LRP1B: variants seen among roughly 807,000 people sequenced by gnomAD.
LRP1B encodes the protein low-density lipoprotein receptor-related protein 1B.
Under a neutral mutation model 556.6 loss-of-function variants are expected in LRP1B, and 217 were observed. That is an observed-to-expected ratio of 0.39 (90% CI 0.35 to 0.44). The LOEUF is 0.44. LRP1B is among the 20% of genes least tolerant of loss of function. The probability of loss-of-function intolerance (pLI) is 1.00; values close to 1 mark genes in which losing one functional copy is unlikely to be tolerated. For missense variants in LRP1B, 5,053 were observed against 5,620.8 expected, an observed-to-expected ratio of 0.90 and a Z score of 3.23; for synonymous variants, 2,047 against 1,865.8, an observed-to-expected ratio of 1.10 and a Z score of -2.50.
chr2:140,888,972 A>AAC (rs1392748621), intron 23 of LRP1B, among the ~76,000 whole-genome samples: 2 of 151,624 alleles, frequency 1.3e-5, no homozygotes, highest in African/African-American at 4.9e-5. Flanking sequence ...AAAAAAAAAA[A>AAC]AAAAAAAACT....
intron 3 of LRP1B, among the ~76,000 whole-genome samples, chr2:141,309,711 T>A (rs1292062910): frequency 6.6e-6 from 1 of 152,004 alleles, no homozygotes; most frequent in Non-Finnish European, 1.5e-5. Flanking sequence ...CAGGGCCAGT[T>A]CGGGGGTAGA....
chr2:140,270,257 T>G lies in LRP1B; in HGVS notation c.13232A>C (p.Asn4411Thr). 6.2e-7 allele frequency: 1 copy of G among 1,611,740 alleles called. No individual in the cohort carries two copies. Among genetic ancestry groups the G allele is most frequent in the African/African-American group, 1.3e-5 (1 of 74,896 alleles). The change falls in exon 86 of 91, where the codon AAT (asparagine) becomes ACT (threonine). Residue 4411 changes from asparagine (N) to threonine (T), a missense_variant. Physicochemically the swap from Asn to Thr is moderately conservative, Grantham distance 65. Coordinates refer to ENST00000389484, the MANE Select transcript of LRP1B (RefSeq NM_018557.3). Reference protein sequence around the residue: ...GGTCQLDPETNVPVCLCSTNW... With the variant: ...GGTCQLDPETTVPVCLCSTNW... ...AAATACTCACAGACACACAGGTACATTTGTCTCGGGGTCCAGCTGGCATGT... is the reference window on the plus strand; with the variant it reads ...AAATACTCACAGACACACAGGTACAGTTGTCTCGGGGTCCAGCTGGCATGT...
At chr2:140,503,201 C>G (rs1689271863) in intron 53 of LRP1B, 98 bp from the exon 54 acceptor site, 1 of 973,336 alleles carries the variant, frequency 1.0e-6, no homozygotes, top group Non-Finnish European at 1.5e-6. Context: ...ATGTGGATTA[C>G]TCATGTCTCC....
In LRP1B at chr2:141,870,931, A is replaced by C. The variant is rs77520219; in HGVS notation, c.83-60530T>G. On this transcript the variant is annotated intron_variant, in intron 1 of 90. Coordinates refer to ENST00000389484, the MANE Select transcript of LRP1B (RefSeq NM_018557.3). Reference sequence around the variant, plus strand: ...TCTCACTTTTGCCTTCAAGGTTGTGAGTGCACTAGTCCCCCCTGGACCTTA... The same window carrying C: ...TCTCACTTTTGCCTTCAAGGTTGTGCGTGCACTAGTCCCCCCTGGACCTTA... Among the ~76,000 whole-genome samples, 552 of 152,014 alleles carry C rather than the reference A, an allele frequency of 3.6e-3. 3 individuals carry two copies. The highest frequency in any genetic ancestry group is 0.013 in the African/African-American group (529 of 41,534).
intron 43 of LRP1B, among the ~76,000 whole-genome samples, chr2:140,582,173 T>C (rs1681793378): frequency 6.6e-6 from 1 of 152,200 alleles, no homozygotes; most frequent in Non-Finnish European, 1.5e-5. Context: ...TTGGGTAAAT[T>C]CTCTGTTATG....
At chr2:141,527,568 A>G (rs548410443) in intron 2 of LRP1B, among the ~76,000 whole-genome samples, 1 of 152,254 alleles carries the variant, frequency 6.6e-6, no homozygotes, top group Non-Finnish European at 1.5e-5. Flanking sequence ...ATCAGATTCA[A>G]TTTAGTAATT....
chr2:141,963,308 G>A (rs1701459482), intron 1 of LRP1B, among the ~76,000 whole-genome samples: 1 of 151,772 alleles, frequency 6.6e-6, no homozygotes, highest in Non-Finnish European at 1.5e-5. Context: ...AATTTCAATT[G>A]TATGTTTTAA....
At chr2:140,790,225 GA>G (rs1690068200) in intron 32 of LRP1B, among the ~76,000 whole-genome samples, 1 of 152,030 alleles carries the variant, frequency 6.6e-6, no homozygotes, top group Non-Finnish European at 1.5e-5. Flanking sequence ...GATATATAAT[GA>G]TGAATTACTG....
At chr2:142,117,426 T>C (rs1477042124) in intron 1 of LRP1B, among the ~76,000 whole-genome samples, 1 of 152,132 alleles carries the variant, frequency 6.6e-6, no homozygotes, top group Non-Finnish European at 1.5e-5. Context: ...TGCTCGGCTC[T>C]CTAGGGCCAT....
At chr2:140,935,028 C>G (rs115426335) in intron 20 of LRP1B, among the ~76,000 whole-genome samples, 4,443 of 152,210 alleles carry the variant, frequency 0.029, 77 homozygotes, top group Non-Finnish European at 0.042. Flanking sequence ...AGATAACCTA[C>G]AGCAATTTAA....
In LRP1B at chr2:140,950,531, T is replaced by C. The variant is rs1028994993; in HGVS notation, c.2969-129A>G. ...CAGAGTCTTGCTCTGTCACCCAACC[T>C]GTAGTGCAGTGGCACTATCTCGGCT... On this transcript the variant is annotated intron_variant, in intron 19 of 90. Transcript: ENST00000389484. 4.7e-6 allele frequency: 3 copies of C among 632,780 alleles called. No homozygotes were observed. In the African/African-American group the frequency reaches 5.7e-5, roughly 12 times the overall value. 39.2% of individuals were successfully genotyped at this position (632,780 alleles called of 1,614,324 possible).
chr2:141,450,737 T>G (rs541546950), intron 3 of LRP1B, among the ~76,000 whole-genome samples: 3 of 152,206 alleles, frequency 2.0e-5, no homozygotes, highest in Admixed American at 1.3e-4. Context: ...ATTGATTTTG[T>G]GGGAGGCAGT....
chr2:140,813,004 A>C (rs1343490137), intron 32 of LRP1B, among the ~76,000 whole-genome samples: 1 of 152,146 alleles, frequency 6.6e-6, no homozygotes, highest in African/African-American at 2.4e-5. Context: ...ATCTTTTTAA[A>C]CTGAAACTTA....
At chr2:140,297,248 A>C (rs1242961863) in intron 84 of LRP1B, among the ~76,000 whole-genome samples, 1 of 152,154 alleles carries the variant, frequency 6.6e-6, no homozygotes, top group Non-Finnish European at 1.5e-5. Flanking sequence ...CATATAAATG[A>C]AATATAAAGC....
intron 1 of LRP1B, among the ~76,000 whole-genome samples, chr2:141,996,121 G>A (rs1431730630): frequency 2.6e-5 from 4 of 151,834 alleles, no homozygotes; most frequent in Non-Finnish European, 2.9e-5. Flanking sequence ...GCATGGTGGC[G>A]GGCGCCTGCA....
intron 7 of LRP1B, among the ~76,000 whole-genome samples, chr2:141,162,925 A>T (rs1464883837): frequency 6.6e-6 from 1 of 152,122 alleles, no homozygotes; most frequent in African/African-American, 2.4e-5. Context: ...TGAGCAAACT[A>T]AATCTTGTTC....
intron 10 of LRP1B, among the ~76,000 whole-genome samples, chr2:141,053,596 T>C (rs1317231044): frequency 1.3e-5 from 2 of 152,022 alleles, no homozygotes; most frequent in Non-Finnish European, 2.9e-5. Flanking sequence ...TTTGGTGGAA[T>C]GTTCCAAAGA....
At chr2:140,470,236 G>A (rs1687706281) in intron 60 of LRP1B, among the ~76,000 whole-genome samples, 1 of 152,146 alleles carries the variant, frequency 6.6e-6, no homozygotes, top group Non-Finnish European at 1.5e-5. Context: ...ACTGGGGATT[G>A]TTTTGGCAGT....
At position 141,795,857 on chromosome 2, in the gene LRP1B, A is replaced by AAAATATATATATATATAT. The variant is rs1491180183; in HGVS notation, c.205+14421_205+14422insATATATATATATATATTT. Among the ~76,000 whole-genome samples the AAAATATATATATATATAT allele has an allele frequency of 2.8e-3, 142 of 51,568 alleles. 16 individuals are homozygous for AAAATATATATATATATAT. The highest frequency in any genetic ancestry group is 0.011 in the Middle Eastern group (1 of 92). 33.8% of individuals were successfully genotyped at this position (51,568 alleles called of 152,430 possible). ...GAAATAGAGAATGAAAACCAGGAGC[A>AAAATATATATATATATAT]ATATATATATATATATATATATATA... is the stretch of plus-strand genomic sequence containing the variant. On this transcript the variant is annotated intron_variant, in intron 2 of 90. Transcript: ENST00000389484.
Sources: gnomAD v4.1 joint callset for allele counts (sites outside exome capture counted in the v4.1 genomes callset) on GRCh38, gnomAD v4.1.1 for gene constraint, MANE v1.5 for transcripts, NCBI Gene and HGNC (gene_info 2026-07-23, HGNC 2026-07-21) for gene names.